The following APIP variants were observed in gnomAD, a reference collection of about 807,000 sequenced individuals.
The protein encoded by APIP is methylthioribulose-1-phosphate dehydratase.
APIP carries 32 observed loss-of-function variants against 32.0 expected under a neutral mutation model. The observed-to-expected ratio is 1.00, with a 90% CI of 0.76 to 1.34. APIP has a LOEUF of 1.34. Ranked by LOEUF, APIP falls within the 40% of genes most tolerant of loss-of-function variation. The pLI is 0.00. For synonymous variants in APIP, 92 were observed against 94.8 expected (o/e 0.97, Z 0.17); for missense variants, 247 against 298.6 (o/e 0.83, Z 1.27).
At chr11:34,896,262 A>G (rs2986428) in intron 1 of APIP, among the ~76,000 whole-genome samples, 56,678 of 152,076 alleles carry the variant, frequency 0.37, 10,954 homozygotes, top group East Asian at 0.74. Flanking sequence ...TTCTACTATA[A>G]AGACACATAC....
At chr11:34,892,399 G>A (rs1230493721) in intron 2 of APIP, among the ~76,000 whole-genome samples, 1 of 152,100 alleles carries the variant, frequency 6.6e-6, no homozygotes. Flanking sequence ...ATACATCTAT[G>A]TTCAGTTGCT....
rs1422695952 is a variant in APIP, at chr11:34,883,461, C to T, written c.505G>A (p.Glu169Lys). Residue 169 changes from glutamate to lysine, a missense_variant, in exon 6 of 7, where the codon GAG becomes AAG. Coordinates refer to ENST00000395787, the MANE Select transcript of APIP (RefSeq NM_015957.4). ...ATTCTATCTTTGAGGTCTTTCTCCT[C>T]AGGTGTATTCTCAATAATGGGTACC... ...LVVPIIENTP[E>K]EKDLKDRMAH... 6.2e-7 allele frequency: 1 copy of T among 1,614,010 alleles called. No homozygotes were observed. Among genetic ancestry groups the T allele is most frequent in the East Asian group, 2.2e-5 (1 of 44,876 alleles).
At chr11:34,902,869 C>T (rs550754061) in intron 1 of APIP, among the ~76,000 whole-genome samples, 1 of 152,264 alleles carries the variant, frequency 6.6e-6, no homozygotes, top group Non-Finnish European at 1.5e-5. Context: ...AATGGGTTAC[C>T]TAAGTAAGGA....
chr11:34,904,772 A>G (rs891105424), intron 1 of APIP, among the ~76,000 whole-genome samples: 3 of 152,226 alleles, frequency 2.0e-5, no homozygotes, highest in Non-Finnish European at 4.4e-5. Flanking sequence ...TAAAAGTTAC[A>G]GGAATCGACT....
At chr11:34,907,965 T>G (rs1853484810) in intron 1 of APIP, among the ~76,000 whole-genome samples, 1 of 152,162 alleles carries the variant, frequency 6.6e-6, no homozygotes, top group South Asian at 2.1e-4. Context: ...CCCCCATCTT[T>G]TCTTTCAACT....
At position 34,888,998 on chromosome 11, in the gene APIP, T is replaced by C. The variant is rs984817846; in HGVS notation, c.208-129A>G. ...TCTATAGTATACATACTTGTGTGTA[T>C]ATTTAGTATACATATACATAGAGTG... On this transcript the variant is annotated intron_variant, in intron 3 of 6. Transcript: ENST00000395787. 56 of 437,414 alleles carry C rather than the reference T, an allele frequency of 1.3e-4. No individual in the cohort carries two copies. In the Admixed American group the frequency reaches 1.5e-3, roughly 12 times the overall value. The allele number at this position is 437,414 out of a possible 1,614,324, so 27.1% of individuals were successfully genotyped here. A position where few individuals can be genotyped will look rare whatever the true frequency, so the allele number is the denominator to read the frequency against.
At chr11:34,895,221 T>C (rs1245141144) in intron 1 of APIP, 111 bp from the exon 2 acceptor site, 3 of 900,228 alleles carry the variant, frequency 3.3e-6, no homozygotes, top group Non-Finnish European at 5.3e-6. Context: ...AAACATACTA[T>C]AGAAAGAGTA....
intron 1 of APIP, among the ~76,000 whole-genome samples, chr11:34,895,524 T>C (rs966790927): frequency 2.0e-5 from 3 of 152,242 alleles, no homozygotes; most frequent in African/African-American, 7.2e-5. Context: ...GATATTATGA[T>C]AGTTACATGT....
intron 2 of APIP, 195 bp from the exon 3 acceptor site, chr11:34,890,747 A>G: frequency 2.3e-6 from 1 of 434,768 alleles, no homozygotes; most frequent in Non-Finnish European, 4.1e-6. Flanking sequence ...GGCATTGTAG[A>G]ATATTAGTTG....
intron 1 of APIP, 108 bp from the exon 2 acceptor site, chr11:34,895,218 C>CTA: frequency 1.1e-6 from 1 of 935,510 alleles, no homozygotes; most frequent in South Asian, 1.5e-5. Context: ...AGAAAACATA[C>CTA]TATAGAAAGA....
intron 4 of APIP, 102 bp from the exon 5 acceptor site, chr11:34,888,530 G>C: frequency 6.7e-7 from 1 of 1,502,520 alleles, no homozygotes; most frequent in Non-Finnish European, 8.9e-7. Flanking sequence ...ATATGGTTAT[G>C]GGCTTATTTT....
intron 1 of APIP, among the ~76,000 whole-genome samples, chr11:34,897,536 G>A (rs2985386): frequency 0.6 from 90,440 of 151,222 alleles, 28,147 homozygotes; most frequent in East Asian, 0.75. Flanking sequence ...GTAAGGTTTT[G>A]TTTTCTTTTA....
chr11:34,909,636 C>T (rs765692639), intron 1 of APIP, among the ~76,000 whole-genome samples: 2 of 152,042 alleles, frequency 1.3e-5, no homozygotes, highest in Non-Finnish European at 2.9e-5. Context: ...ACTTCACAGG[C>T]GGAAGATCAG....
Position 34,906,510 on chromosome 11 carries a change from C to G in APIP, c.57+9718G>C, listed in dbSNP as rs114050987. On this transcript the variant is annotated intron_variant, in intron 1 of 6. Transcript: ENST00000395787. ...ACGGGCTTCCCTCTCCTTGAAAGAT[C>G]AGTACTTACTATTTCTATTATGATG... 2.9e-3 allele frequency among the ~76,000 whole-genome samples: 446 copies of G among 152,294 alleles called. 2 individuals carry two copies. Among genetic ancestry groups the G allele is most frequent in the African/African-American group, 0.01 (431 of 41,558 alleles).
At chr11:34,899,597 C>T (rs945156356) in intron 1 of APIP, among the ~76,000 whole-genome samples, 1 of 152,306 alleles carries the variant, frequency 6.6e-6, no homozygotes, top group South Asian at 2.1e-4. Flanking sequence ...TGCCCAATTA[C>T]GTAGTTTTTC....
intron 1 of APIP, among the ~76,000 whole-genome samples, chr11:34,897,049 T>C (rs912830069): frequency 1.3e-5 from 2 of 152,190 alleles, no homozygotes; most frequent in African/African-American, 4.8e-5. Context: ...GGGAAAAACA[T>C]CTTTGAGTTC....
intron 2 of APIP, among the ~76,000 whole-genome samples, chr11:34,893,746 A>G (rs1176053288): frequency 6.6e-6 from 1 of 152,224 alleles, no homozygotes; most frequent in Non-Finnish European, 1.5e-5. Flanking sequence ...AAATTTCATG[A>G]GTTAACTCAG....
intron 1 of APIP, among the ~76,000 whole-genome samples, chr11:34,905,166 A>G (rs1853426747): frequency 6.6e-6 from 1 of 152,258 alleles, no homozygotes; most frequent in African/African-American, 2.4e-5. Context: ...TTATCCTCAT[A>G]GCAGGAATAA....
intron 1 of APIP, among the ~76,000 whole-genome samples, chr11:34,901,309 G>A (rs1853366267): frequency 6.6e-6 from 1 of 152,130 alleles, no homozygotes; most frequent in South Asian, 2.1e-4. Flanking sequence ...CTGTGGCGGA[G>A]ACCACTGGAG....
Sources: gnomAD v4.1 joint callset for allele counts (sites outside exome capture counted in the v4.1 genomes callset) on GRCh38, gnomAD v4.1.1 for gene constraint, MANE v1.5 for transcripts, NCBI Gene and HGNC (gene_info 2026-07-23, HGNC 2026-07-21) for gene names.